The following PLCE1 variants were observed in gnomAD, a reference collection of about 807,000 sequenced individuals.
PLCE1 encodes 1-phosphatidylinositol 4,5-bisphosphate phosphodiesterase epsilon-1.
In PLCE1, 119 loss-of-function variants were observed where a neutral mutation model predicts 242.8. That is an observed-to-expected ratio of 0.49 (90% CI 0.42 to 0.57). The LOEUF is 0.57. Among genes scored for constraint, PLCE1 ranks in the 20% least tolerant of loss-of-function variants. The pLI is 0.00. For synonymous variants in PLCE1, 945 were observed against 1,017.4 expected (o/e 0.93, Z 1.35); for missense variants, 2,441 against 2,788.8 (o/e 0.88, Z 2.81).
intron 3 of PLCE1, among the ~76,000 whole-genome samples, chr10:94,132,949 CAAAAAA>C (rs33967020): frequency 4.5e-5 from 4 of 88,844 alleles, no homozygotes; most frequent in Non-Finnish European, 4.4e-5. Flanking sequence ...GACTCCATCT[CAAAAAA>C]AAAAAAAAAA....
intron 1 of PLCE1, among the ~76,000 whole-genome samples, chr10:93,995,236 T>C (rs1564613072): frequency 6.6e-6 from 1 of 152,210 alleles, no homozygotes; most frequent in Non-Finnish European, 1.5e-5. Flanking sequence ...CTCTAGGTTA[T>C]TGTATGCATC....
chr10:94,215,552 G>A (rs920752606), intron 4 of PLCE1, among the ~76,000 whole-genome samples: 4 of 152,132 alleles, frequency 2.6e-5, no homozygotes, highest in African/African-American at 9.7e-5. Context: ...CTACTTGGAA[G>A]CTAATTGGAT....
intron 2 of PLCE1, among the ~76,000 whole-genome samples, chr10:94,130,084 G>T (rs2046552889): frequency 6.6e-6 from 1 of 152,208 alleles, no homozygotes; most frequent in African/African-American, 2.4e-5. Flanking sequence ...CTACCAGTCA[G>T]TTCTTTTCCT....
intron 1 of PLCE1, among the ~76,000 whole-genome samples, chr10:94,008,335 GT>G (rs2061089763): frequency 6.6e-6 from 1 of 152,022 alleles, no homozygotes; most frequent in Non-Finnish European, 1.5e-5. Flanking sequence ...TTGAGATGGA[GT>G]TTTGCTCCTT....
At chr10:94,206,307 AG>A (rs1294819910) in intron 4 of PLCE1, among the ~76,000 whole-genome samples, 3 of 152,190 alleles carry the variant, frequency 2.0e-5, no homozygotes, top group African/African-American at 7.2e-5. Context: ...GAAGAGGGTC[AG>A]TGTGGCTGAG....
At chr10:94,297,088 G>A (rs868419603) in intron 23 of PLCE1, among the ~76,000 whole-genome samples, 30 of 152,002 alleles carry the variant, frequency 2.0e-4, no homozygotes, top group Admixed American at 1.7e-3. Flanking sequence ...GGCTGGTCTC[G>A]AACTCTTGAC....
In PLCE1 at chr10:94,259,054, T is replaced by C. The variant is rs935673723; in HGVS notation, c.3718T>C (p.Tyr1240His). 2.5e-6 allele frequency: 4 copies of C among 1,613,990 alleles called. No individual in the cohort carries two copies. The Admixed American group carries it at 5.0e-5, about 20-fold the overall frequency. Residue 1240 changes from tyrosine (Y) to histidine (H), a missense_variant, in exon 13 of 33, where the codon TAT becomes CAT. Transcript: ENST00000371380. ...RKDLKDLFDV[Y>H]AVPCNRSGSE... ...GGACCTGAAGGATCTGTTTGATGTCTATGCAGTGCCCTGCAACCGATCTGG... is the reference window on the plus strand; with the variant it reads ...GGACCTGAAGGATCTGTTTGATGTCCATGCAGTGCCCTGCAACCGATCTGG...
At chr10:94,075,645 A>G (rs1057432875) in intron 2 of PLCE1, among the ~76,000 whole-genome samples, 6 of 152,268 alleles carry the variant, frequency 3.9e-5, no homozygotes, top group Non-Finnish European at 8.8e-5. Flanking sequence ...TATTTGGATC[A>G]TCTGACTGGA....
At chr10:94,208,500 C>T (rs1265792111) in intron 4 of PLCE1, among the ~76,000 whole-genome samples, 1 of 152,206 alleles carries the variant, frequency 6.6e-6, no homozygotes, top group Non-Finnish European at 1.5e-5. Context: ...ACATCAGTGT[C>T]ATCTGGGAAT....
intron 4 of PLCE1, among the ~76,000 whole-genome samples, chr10:94,215,468 G>T (rs1426471070): frequency 6.6e-6 from 1 of 152,142 alleles, no homozygotes; most frequent in Non-Finnish European, 1.5e-5. Context: ...CAGCAGGAAG[G>T]TTATATTAGC....
chr10:94,078,327 C>G (rs979782749), intron 2 of PLCE1, among the ~76,000 whole-genome samples: 1 of 152,132 alleles, frequency 6.6e-6, no homozygotes, highest in African/African-American at 2.4e-5. Context: ...GTTGTGGTGA[C>G]TTCAGTGATT....
chr10:94,005,167 A>AG (rs1454147864), intron 1 of PLCE1, among the ~76,000 whole-genome samples: 2 of 152,180 alleles, frequency 1.3e-5, no homozygotes, highest in Admixed American at 1.3e-4. Context: ...GCTGGGACTG[A>AG]GGTAGCACAT....
chr10:94,038,012 G>A (rs542562041), intron 2 of PLCE1, among the ~76,000 whole-genome samples: 1 of 152,266 alleles, frequency 6.6e-6, no homozygotes, highest in African/African-American at 2.4e-5. Flanking sequence ...GGCCGTGGTA[G>A]TATGTGGCCT....
intron 2 of PLCE1, among the ~76,000 whole-genome samples, chr10:94,076,916 G>A (rs1485061429): frequency 6.6e-6 from 1 of 151,554 alleles, no homozygotes; most frequent in Non-Finnish European, 1.5e-5. Context: ...TTCAGAAACT[G>A]CATTTCTGAA....
At chr10:94,295,097 T>C (rs1195964308) in intron 23 of PLCE1, among the ~76,000 whole-genome samples, 1 of 151,556 alleles carries the variant, frequency 6.6e-6, no homozygotes, top group Non-Finnish European at 1.5e-5. Flanking sequence ...TTTGTATTTT[T>C]AGTAGAGATG....
chr10:94,160,091 G>A (rs997273555), intron 3 of PLCE1, among the ~76,000 whole-genome samples: 1 of 152,136 alleles, frequency 6.6e-6, no homozygotes, highest in Non-Finnish European at 1.5e-5. Flanking sequence ...GTGTACATGT[G>A]TCTTTATAGC....
rs150173742 is a variant in PLCE1 at position 94,132,439 on chromosome 10, C to A, written c.1472C>A (p.Thr491Asn). 1.9e-4 allele frequency: 308 copies of A among 1,614,060 alleles called. No homozygotes were observed. Among genetic ancestry groups the A allele is most frequent in the South Asian group, 2.4e-4 (22 of 91,084 alleles). The change falls in exon 3 of 33, where the codon ACT (threonine) becomes AAT (asparagine). Residue 491 changes from threonine (T) to asparagine (N), a missense_variant. Coordinates refer to ENST00000371380, the MANE Select transcript of PLCE1 (RefSeq NM_016341.4). ...SGLLSTFGGS[T>N]GRMMLKERQP... ...CTTCTCAGTACTTTTGGAGGATCCA[C>A]TGGACGAATGATGCTGAAAGGTAAT...
At chr10:94,264,963 A>G (rs992424754) in intron 14 of PLCE1, among the ~76,000 whole-genome samples, 1 of 152,210 alleles carries the variant, frequency 6.6e-6, no homozygotes, top group Non-Finnish European at 1.5e-5. Context: ...CCCTGTCTCT[A>G]AAACAAAATT....
intron 2 of PLCE1, among the ~76,000 whole-genome samples, chr10:94,056,337 A>G (rs1221839320): frequency 1.3e-5 from 2 of 152,314 alleles, no homozygotes; most frequent in East Asian, 3.9e-4. Context: ...TTTGTCAAAC[A>G]CCGTGTAATT....
Sources: allele counts gnomAD v4.1 joint callset (sites outside exome capture counted in the v4.1 genomes callset), GRCh38; gene constraint gnomAD v4.1.1; transcripts MANE v1.5; gene names NCBI Gene and HGNC (gene_info 2026-07-23, HGNC 2026-07-21).